Variants in WDR49 observed in about 807,000 individuals in gnomAD.
The protein encoded by WDR49 is WD repeat domain 49.
A neutral mutation model predicts 119.5 loss-of-function variants in WDR49; 107 were observed. The ratio of observed to expected loss-of-function variants is 0.90; its 90% confidence interval spans 0.77 to 1.05. The LOEUF (loss-of-function observed/expected upper bound fraction) is 1.05, where lower values mean the gene tolerates loss of function less well. Among genes scored for constraint, WDR49 ranks in the 50% least tolerant of loss-of-function variants. The pLI is 0.00. For missense variants in WDR49, 1,240 were observed against 1,220.5 expected (o/e 1.02, Z -0.24); for synonymous variants, 425 against 418.8 (o/e 1.01, Z -0.18).
chr3:167,515,946 A>C (rs1355275223), intron 16 of WDR49, among the ~76,000 whole-genome samples: 5 of 152,244 alleles, frequency 3.3e-5, no homozygotes, highest in Admixed American at 2.6e-4. Flanking sequence ...AACCCTCTTC[A>C]AGGAGAACTA....
chr3:167,624,176 T>C (rs1329032409), intron 3 of WDR49, among the ~76,000 whole-genome samples: 1 of 151,790 alleles, frequency 6.6e-6, no homozygotes, highest in East Asian at 1.9e-4. Flanking sequence ...AAAGCCACAA[T>C]AAGATATAAA....
chr3:167,496,007 A>C (rs1751342600), intron 18 of WDR49, among the ~76,000 whole-genome samples: 1 of 152,078 alleles, frequency 6.6e-6, no homozygotes, highest in African/African-American at 2.4e-5. Flanking sequence ...AAAAGCTGGG[A>C]AAATTATTCA....
At chr3:167,499,834 C>T (rs1751491793) in intron 18 of WDR49, among the ~76,000 whole-genome samples, 1 of 152,148 alleles carries the variant, frequency 6.6e-6, no homozygotes, top group African/African-American at 2.4e-5. Flanking sequence ...CTTCCTCCAG[C>T]ATCAGTTTTG....
Position 167,626,957 on chromosome 3 carries a change from C to G in WDR49, c.501G>C (p.Trp167Cys). ...TISKEGLLAIWGEHLKLQETF... is the reference protein window; with the variant it reads ...TISKEGLLAICGEHLKLQETF... ...TTTCTTGCAGCTTTAAATGCTCTCC[C>G]CAGATTGCCAATAAACCTTCTTTAC... The change falls in exon 3 of 19, where the codon TGG becomes TGC. Residue 167 changes from tryptophan (W) to cysteine (C), a missense_variant. Trp to Cys is a radical substitution (Grantham distance 215, BLOSUM62 -2). Coordinates refer to ENST00000682715, the MANE Select transcript of WDR49 (RefSeq NM_001366157.1). The G allele has an allele frequency of 2.3e-6, 3 of 1,330,918 alleles. No homozygotes were observed. Among genetic ancestry groups the G allele is most frequent in the Non-Finnish European group, 2.9e-6 (3 of 1,041,880 alleles). The allele number at this position is 1,330,918 out of a possible 1,614,324, so 82.4% of individuals were successfully genotyped here. A position where few individuals can be genotyped will look rare whatever the true frequency, so the allele number is the denominator to read the frequency against.
At chr3:167,504,684 A>G (rs1157501828) in intron 17 of WDR49, among the ~76,000 whole-genome samples, 2 of 152,190 alleles carry the variant, frequency 1.3e-5, no homozygotes, top group African/African-American at 4.8e-5. Context: ...GGAGAAGGAC[A>G]TGAGATTTGG....
intron 5 of WDR49, among the ~76,000 whole-genome samples, chr3:167,608,354 A>G (rs115843042): frequency 6.6e-6 from 1 of 152,228 alleles, no homozygotes; most frequent in Non-Finnish European, 1.5e-5. Context: ...TTACTTCGTC[A>G]TGTGTTTCCC....
intron 2 of WDR49, among the ~76,000 whole-genome samples, chr3:167,643,373 T>C (rs1049836320): frequency 3.9e-5 from 6 of 152,014 alleles, no homozygotes; most frequent in Non-Finnish European, 7.4e-5. Flanking sequence ...AAAATCCAGA[T>C]AATGGGATGT....
At chr3:167,554,617 T>G (rs1712805449) in intron 10 of WDR49, 33 bp downstream of exon 10, 1 of 1,357,502 alleles carries the variant, frequency 7.4e-7, no homozygotes, top group East Asian at 2.4e-5. Context: ...TTCTTTTAGA[T>G]TTTGATTAAA....
intron 16 of WDR49, among the ~76,000 whole-genome samples, chr3:167,512,626 A>C (rs1437662935): frequency 6.6e-6 from 1 of 152,248 alleles, no homozygotes; most frequent in Non-Finnish European, 1.5e-5. Context: ...ATGAATTGAC[A>C]GAAGTAGGCT....
intron 8 of WDR49, among the ~76,000 whole-genome samples, chr3:167,568,342 T>C (rs1713729819): frequency 6.6e-6 from 1 of 152,156 alleles, no homozygotes; most frequent in South Asian, 2.1e-4. Context: ...TCACCTTTCT[T>C]TTGCTTTAAA....
intron 8 of WDR49, among the ~76,000 whole-genome samples, chr3:167,567,475 C>T (rs1271624208): frequency 6.6e-6 from 1 of 152,150 alleles, no homozygotes; most frequent in Admixed American, 6.5e-5. Context: ...ATGTGCAACA[C>T]GTGGACACAG....
At chr3:167,523,681 A>C (rs1039207781) in intron 15 of WDR49, among the ~76,000 whole-genome samples, 1 of 152,060 alleles carries the variant, frequency 6.6e-6, no homozygotes, top group African/African-American at 2.4e-5. Flanking sequence ...TTTGCTGAGG[A>C]TGATGGTTTC....
chr3:167,606,061 T>C (rs1443694591), intron 5 of WDR49, among the ~76,000 whole-genome samples: 2 of 152,292 alleles, frequency 1.3e-5, no homozygotes, highest in South Asian at 2.1e-4. Context: ...TCTCATTCAA[T>C]GTAAACCTGA....
intron 8 of WDR49, among the ~76,000 whole-genome samples, chr3:167,565,727 G>T (rs1327481917): frequency 6.6e-6 from 1 of 152,158 alleles, no homozygotes; most frequent in African/African-American, 2.4e-5. Flanking sequence ...AGCCAGCAAG[G>T]CTTAAGCAGT....
rs377043139 is a variant in WDR49 at position 167,611,551 on chromosome 3, AC to A, written c.959-7084del. On this transcript the variant is annotated intron_variant, in intron 5 of 18. Transcript: ENST00000682715. ...ATAGACTGGCTGAATGGGCAAAAAA[AC>A]AAGACGCATTGAACTGTTATCTTCA... is the stretch of plus-strand genomic sequence containing the variant. Among the ~76,000 whole-genome samples, 514 of 152,260 alleles carry A rather than the reference AC, an allele frequency of 3.4e-3. 4 individuals are homozygous for A. The highest frequency in any genetic ancestry group is 0.012 in the African/African-American group (478 of 41,560).
chr3:167,596,592 T>A (rs1715457882), intron 7 of WDR49, among the ~76,000 whole-genome samples: 1 of 148,446 alleles, frequency 6.7e-6, no homozygotes, highest in Non-Finnish European at 1.5e-5. Flanking sequence ...AAATTGGAAA[T>A]CATCATTCTC....
Position 167,626,882 on chromosome 3 carries a change from T to C in WDR49, c.576A>G (p.Thr192=). The change falls in exon 3 of 19, where the codon ACA becomes ACG. Residue 192 remains threonine, a synonymous_variant. Transcript: ENST00000682715. ...TTACATTTTCCAGAGAAACCAGACT[T>C]GTCACCCACAGGTGTTTGAGCTTGG... ...DATKLKHLWV[T]SLVSLENVNK... 1 of 1,251,174 alleles carries C rather than the reference T, an allele frequency of 8.0e-7. No individual in the cohort carries two copies. The highest frequency in any genetic ancestry group is 4.0e-5 in the Admixed American group (1 of 24,928). The allele number at this position is 1,251,174 out of a possible 1,614,324, so 77.5% of individuals were successfully genotyped here. A position where few individuals can be genotyped will look rare whatever the true frequency, so the allele number is the denominator to read the frequency against.
chr3:167,506,678 T>A (rs1751781423), intron 16 of WDR49, among the ~76,000 whole-genome samples: 2 of 152,170 alleles, frequency 1.3e-5, no homozygotes, highest in Admixed American at 1.3e-4. Flanking sequence ...AATAAAGAAA[T>A]CAATATTGGT....
intron 14 of WDR49, among the ~76,000 whole-genome samples, chr3:167,528,683 A>C (rs1315708603): frequency 1.3e-5 from 2 of 152,018 alleles, no homozygotes; most frequent in Non-Finnish European, 2.9e-5. Context: ...ATGCCACTGC[A>C]CTCCAGTCTA....
Sources: gnomAD v4.1 joint callset for allele counts (sites outside exome capture counted in the v4.1 genomes callset) on GRCh38, gnomAD v4.1.1 for gene constraint, MANE v1.5 for transcripts, NCBI Gene and HGNC (gene_info 2026-07-23, HGNC 2026-07-21) for gene names.